The following EFCAB8 variants were observed in gnomAD, a reference collection of about 807,000 sequenced individuals.
The protein encoded by EFCAB8 is EF-hand calcium-binding domain-containing protein 8.
A neutral mutation model predicts 116.3 loss-of-function variants in EFCAB8; 100 were observed. The observed-to-expected ratio is 0.86, with a 90% confidence interval of 0.73 to 1.02. EFCAB8 has a LOEUF of 1.02. Ranked by LOEUF, EFCAB8 falls within the 50% of genes least tolerant of loss-of-function variation. The pLI is 0.00. For synonymous variants in EFCAB8, 558 were observed against 567.9 expected (o/e 0.98, Z 0.25); for missense variants, 1,320 against 1,416.9 (o/e 0.93, Z 1.10).
At chr20:32,875,658 C>A (rs1984933409) in intron 3 of EFCAB8, among the ~76,000 whole-genome samples, 1 of 151,952 alleles carries the variant, frequency 6.6e-6, no homozygotes, top group South Asian at 2.1e-4. Context: ...GTACCCACCA[C>A]TGTGCCCAGC....
intron 20 of EFCAB8, among the ~76,000 whole-genome samples, chr20:32,921,771 A>G (rs1987469632): frequency 6.7e-6 from 1 of 150,356 alleles, no homozygotes; most frequent in Non-Finnish European, 1.5e-5. Context: ...GTAAGTCTAT[A>G]GCATGGATAT....
intron 5 of EFCAB8, among the ~76,000 whole-genome samples, chr20:32,885,276 A>C (rs1985555642): frequency 6.6e-6 from 1 of 152,196 alleles, no homozygotes; most frequent in Non-Finnish European, 1.5e-5. Flanking sequence ...GCCCCGCCTC[A>C]TATCAGCTTC....
At position 32,936,190 on chromosome 20, in the gene EFCAB8, G is replaced by A. The variant is rs538337001; in HGVS notation, c.2790+4854G>A. Among the ~76,000 whole-genome samples, 5 of 152,092 alleles carry A rather than the reference G, an allele frequency of 3.3e-5. No individual in the cohort carries two copies. The East Asian group carries it at 9.7e-4, about 29-fold the overall frequency. ...TGGGATTATAGGCGTGTGCCACCAT[G>A]CCTAGCTAATTTTTGTATTTTTTGG... is the stretch of plus-strand genomic sequence containing the variant. On this transcript the variant is annotated intron_variant, in intron 22 of 26. Coordinates refer to ENST00000400522, the MANE Select transcript of EFCAB8 (RefSeq NM_001143967.2).
At chr20:32,897,219 T>G (rs1770411899) in intron 10 of EFCAB8, among the ~76,000 whole-genome samples, 1 of 152,128 alleles carries the variant, frequency 6.6e-6, no homozygotes, top group South Asian at 2.1e-4. Flanking sequence ...CCGCAGTGTT[T>G]ACCAGCTCCC....
At chr20:32,878,489 TG>T (rs1203643169) in intron 4 of EFCAB8, among the ~76,000 whole-genome samples, 1 of 144,042 alleles carries the variant, frequency 6.9e-6, no homozygotes, top group Non-Finnish European at 1.5e-5. Flanking sequence ...AGGGGGACCC[TG>T]GGAATCAGGC....
At chr20:32,908,458 G>A (rs919619572) in intron 14 of EFCAB8, 46 bp downstream of exon 14, 13 of 1,249,368 alleles carry the variant, frequency 1.0e-5, no homozygotes, top group Non-Finnish European at 1.3e-5. Context: ...CGCAGGTGGA[G>A]GGCCAGGGTC....
chr20:32,957,564 T>C (rs549422690), intron 23 of EFCAB8, among the ~76,000 whole-genome samples: 35 of 152,222 alleles, frequency 2.3e-4, no homozygotes, highest in African/African-American at 8.2e-4. Flanking sequence ...TGGGACTCTG[T>C]CTCCCAATGA....
chr20:32,875,578 C>T (rs569304819), intron 3 of EFCAB8, among the ~76,000 whole-genome samples: 1 of 146,516 alleles, frequency 6.8e-6, no homozygotes, highest in African/African-American at 2.5e-5. Flanking sequence ...GATCTCAGCT[C>T]ACTGCAACCT....
intron 23 of EFCAB8, among the ~76,000 whole-genome samples, chr20:32,948,574 AAGAAAG>A (rs1049326623): frequency 1.7e-4 from 25 of 151,434 alleles, no homozygotes; most frequent in Middle Eastern, 6.8e-3. Flanking sequence ...GAAAGAAAGA[AAGAAAG>A]AAAAGAAAGG....
At chr20:32,957,653 G>T (rs1989013329) in intron 23 of EFCAB8, among the ~76,000 whole-genome samples, 1 of 152,064 alleles carries the variant, frequency 6.6e-6, no homozygotes, top group Non-Finnish European at 1.5e-5. Context: ...AAGAAAAACA[G>T]CTGTGCATTC....
intron 11 of EFCAB8, among the ~76,000 whole-genome samples, chr20:32,902,123 C>T (rs1055792402): frequency 6.6e-6 from 1 of 152,186 alleles, no homozygotes; most frequent in African/African-American, 2.4e-5. Context: ...CTAAGTACCT[C>T]AGAGTATCTT....
chr20:32,864,480 G>GCT (rs1015065967), intron 2 of EFCAB8, among the ~76,000 whole-genome samples: 19 of 152,138 alleles, frequency 1.2e-4, no homozygotes, highest in Non-Finnish European at 2.4e-4. Flanking sequence ...TACTCCAGAG[G>GCT]CTGAGGTGGG....
rs374428388 is a variant in EFCAB8, at chr20:32,911,617, G to T, written c.1695G>T (p.Leu565=). ...AMALDESERC[L]LTGLRDGTMK... ...CCCTGGATGAGTCAGAGCGGTGCCT[G>T]CTCACAGGTTTGCGGGATGGCACAA... The change falls in exon 16 of 27, where the codon CTG becomes CTT. Residue 565 remains leucine (L), a synonymous_variant. Coordinates refer to ENST00000400522, the MANE Select transcript of EFCAB8 (RefSeq NM_001143967.2). 87 of 1,551,714 alleles carry T rather than the reference G, an allele frequency of 5.6e-5. No homozygotes were observed. The African/African-American group carries it at 1.1e-3, about 19-fold the overall frequency.
At chr20:32,958,608 C>T in intron 24 of EFCAB8, 58 bp downstream of exon 24, 1 of 411,650 alleles carries the variant, frequency 2.4e-6, no homozygotes, top group Non-Finnish European at 4.4e-6. Flanking sequence ...GGCTGTGAGT[C>T]TTCCCAGGTC....
intron 13 of EFCAB8, 83 bp from the exon 14 acceptor site, chr20:32,908,192 G>A (rs767092233): frequency 2.1e-4 from 263 of 1,229,004 alleles, no homozygotes; most frequent in Non-Finnish European, 2.4e-4. Flanking sequence ...GGCCTTGTTC[G>A]CCGGAGGCAC....
intron 6 of EFCAB8, among the ~76,000 whole-genome samples, chr20:32,887,574 C>T (rs1985696690): frequency 6.6e-6 from 1 of 152,218 alleles, no homozygotes; most frequent in South Asian, 2.1e-4. Context: ...GACTCCGTCT[C>T]AATAAAAAGA....
chr20:32,961,378 G>A lies in EFCAB8; in HGVS notation c.3636G>A (p.Leu1212=). Residue 1212 remains leucine (L), a synonymous_variant, in exon 27 of 27, where the codon CTG becomes CTA. Coordinates refer to ENST00000400522, the MANE Select transcript of EFCAB8 (RefSeq NM_001143967.2). ...LLSVTASASR[L]LDSSLPTFLT... ...CTGTCACTGCCTCAGCCTCCAGGCT[G>A]CTGGACTCCAGCTTGCCCACCTTCC... 6.8e-7 allele frequency: 1 copy of A among 1,460,926 alleles called. No individual in the cohort carries two copies. Among genetic ancestry groups the A allele is most frequent in the South Asian group, 1.5e-5 (1 of 68,356 alleles). 90.5% of individuals were successfully genotyped at this position (1,460,926 alleles called of 1,614,324 possible).
chr20:32,860,651 C>T (rs1984066533), intron 1 of EFCAB8, among the ~76,000 whole-genome samples: 2 of 151,772 alleles, frequency 1.3e-5, no homozygotes, highest in Non-Finnish European at 2.9e-5. Context: ...GGATTACAGA[C>T]GTCAGCCATT....
rs1217389012 is a variant in EFCAB8 at position 32,911,574 on chromosome 20, T to C, written c.1652T>C (p.Val551Ala). Residue 551 changes from valine (V) to alanine (A), a missense_variant, in exon 16 of 27, where the codon GTG becomes GCG. Val to Ala is a moderately conservative substitution (Grantham distance 64). Transcript: ENST00000400522. Reference sequence around the variant, plus strand: ...TTTGCTGTGTCTGGGGGCCAGCACGTGGAGATGACCGCCATGGCCCTGGAT... The same window carrying C: ...TTTGCTGTGTCTGGGGGCCAGCACGCGGAGATGACCGCCATGGCCCTGGAT... The part of the protein sequence containing the change: ...MEFAVSGGQH[V>A]EMTAMALDES... 6.5e-7 allele frequency: 1 copy of C among 1,546,984 alleles called. No homozygotes were observed. The highest frequency in any genetic ancestry group is 8.7e-7 in the Non-Finnish European group (1 of 1,143,616).
Sources: allele counts gnomAD v4.1 joint callset (sites outside exome capture counted in the v4.1 genomes callset), GRCh38; gene constraint gnomAD v4.1.1; transcripts MANE v1.5; gene names NCBI Gene and HGNC (gene_info 2026-07-23, HGNC 2026-07-21).